The following AHI1 variants were observed in gnomAD, a reference collection of about 807,000 sequenced individuals.
AHI1 encodes the protein Abelson helper integration site 1.
Under a neutral mutation model 149.3 loss-of-function variants are expected in AHI1, and 123 were observed. The ratio of observed to expected loss-of-function variants is 0.82; its 90% confidence interval spans 0.71 to 0.96. The LOEUF (loss-of-function observed/expected upper bound fraction) is 0.96, where lower values mean the gene tolerates loss of function less well. Ranked by LOEUF, AHI1 falls within the 40% of genes least tolerant of loss-of-function variation. AHI1 has a pLI of 0.00. For synonymous variants in AHI1, 475 were observed against 459.8 expected (o/e 1.03, Z -0.42); for missense variants, 1,439 against 1,422.7 (o/e 1.01, Z -0.18).
At chr6:135,459,320 TAA>T (rs1448795762) in intron 8 of AHI1, among the ~76,000 whole-genome samples, 1 of 152,028 alleles carries the variant, frequency 6.6e-6, no homozygotes, top group Non-Finnish European at 1.5e-5. Flanking sequence ...TGTTAAATAA[TAA>T]AAACACACAA....
At chr6:135,308,299 G>T (rs1331233029) in intron 26 of AHI1, among the ~76,000 whole-genome samples, 1 of 152,054 alleles carries the variant, frequency 6.6e-6, no homozygotes, top group Non-Finnish European at 1.5e-5. Flanking sequence ...GCAGTAGCAC[G>T]ATCACTGTTC....
intron 24 of AHI1, among the ~76,000 whole-genome samples, chr6:135,328,152 G>C (rs1185355725): frequency 6.6e-6 from 1 of 152,216 alleles, no homozygotes; most frequent in African/African-American, 2.4e-5. Flanking sequence ...CTGTCTTCAA[G>C]TAGAGGGTAC....
At chr6:135,353,338 T>C (rs998886190) in intron 24 of AHI1, among the ~76,000 whole-genome samples, 1 of 152,108 alleles carries the variant, frequency 6.6e-6, no homozygotes, top group Non-Finnish European at 1.5e-5. Flanking sequence ...CAGGAAGAGA[T>C]TGGCCATGGG....
At position 135,431,208 on chromosome 6, in the gene AHI1, CTTA is replaced by C; in HGVS notation, c.2370_2372del (p.Asn790del). The stretch of plus-strand genomic sequence containing the variant: ...CAAAATATAAAATATGATTTTATAC[CTTA>C]TTTATAGTCCAGTGGTGCACTGAAT... On this transcript the variant is annotated inframe_deletion and splice_region_variant, in exon 17 of 29. Coordinates refer to ENST00000265602, the MANE Select transcript of AHI1 (RefSeq NM_001134831.2). The C allele has an allele frequency of 6.4e-7, 1 of 1,557,384 alleles. No homozygotes were observed. Among genetic ancestry groups the C allele is most frequent in the Non-Finnish European group, 8.8e-7 (1 of 1,142,566 alleles).
chr6:135,335,164 T>C (rs1789191951), intron 24 of AHI1, among the ~76,000 whole-genome samples: 1 of 152,228 alleles, frequency 6.6e-6, no homozygotes, highest in Non-Finnish European at 1.5e-5. Flanking sequence ...CTTATCTTGC[T>C]TAGTTTCCCA....
At chr6:135,361,073 A>G (rs570464361) in intron 23 of AHI1, among the ~76,000 whole-genome samples, 1 of 151,938 alleles carries the variant, frequency 6.6e-6, no homozygotes, top group South Asian at 2.1e-4. Flanking sequence ...TTACTCTTCC[A>G]TTTTATGTCC....
chr6:135,398,915 G>A (rs116112299), intron 22 of AHI1, among the ~76,000 whole-genome samples: 1,837 of 152,270 alleles, frequency 0.012, 30 homozygotes, highest in African/African-American at 0.04. Flanking sequence ...CAGGCCCAAC[G>A]ACTAATGCTT....
At chr6:135,467,944 A>C (rs907376324) in intron 5 of AHI1, among the ~76,000 whole-genome samples, 12 of 152,214 alleles carry the variant, frequency 7.9e-5, no homozygotes, top group African/African-American at 2.9e-4. Flanking sequence ...CTACAAGATG[A>C]ATCTAAAATC....
intron 23 of AHI1, among the ~76,000 whole-genome samples, chr6:135,377,337 A>G (rs1431158673): frequency 6.6e-6 from 1 of 152,340 alleles, no homozygotes; most frequent in African/African-American, 2.4e-5. Context: ...ATTATCTTAC[A>G]GTAGGCAAAC....
At chr6:135,415,930 C>T (rs559961197) in intron 20 of AHI1, among the ~76,000 whole-genome samples, 3 of 152,110 alleles carry the variant, frequency 2.0e-5, no homozygotes, top group East Asian at 1.9e-4. Flanking sequence ...TACAGTTTCA[C>T]TTATATACAA....
intron 23 of AHI1, among the ~76,000 whole-genome samples, chr6:135,383,447 G>C (rs1288849191): frequency 8.2e-6 from 1 of 122,142 alleles, no homozygotes. Flanking sequence ...GTGTGGCCCA[G>C]GTTGGTCATG....
intron 23 of AHI1, among the ~76,000 whole-genome samples, chr6:135,375,236 G>A (rs1775733997): frequency 6.6e-6 from 1 of 151,204 alleles, no homozygotes; most frequent in African/African-American, 2.4e-5. Flanking sequence ...TTTTTTTCCA[G>A]CACTAGACAA....
chr6:135,420,440 G>A (rs1407227320), intron 20 of AHI1, among the ~76,000 whole-genome samples: 1 of 152,090 alleles, frequency 6.6e-6, no homozygotes, highest in Non-Finnish European at 1.5e-5. Context: ...TTAGAAAGCT[G>A]CTTCATCTCC....
intron 5 of AHI1, among the ~76,000 whole-genome samples, chr6:135,468,322 C>G (rs1359968116): frequency 2.0e-5 from 3 of 151,806 alleles, no homozygotes; most frequent in East Asian, 3.9e-4. Context: ...AGAAAATACA[C>G]ACACACAAAA....
In AHI1 at chr6:135,466,252, G is replaced by T. The variant is rs1420063740; in HGVS notation, c.311C>A (p.Thr104Lys). ...ATTAGGATTTTCAGTTGCTAACTGT[G>T]TGTTCCTCAATTTGTTTTTAGTGAC... ...TRVTKNKLRNTQLATENPNGD... is the reference protein window; with the variant it reads ...TRVTKNKLRNKQLATENPNGD... Residue 104 changes from threonine (T) to lysine (K), a missense_variant, in exon 7 of 29, where the codon ACA becomes AAA. Transcript: ENST00000265602. The T allele has an allele frequency of 1.2e-6, 2 of 1,613,896 alleles. No individual in the cohort carries two copies. Among genetic ancestry groups the T allele is most frequent in the South Asian group, 2.2e-5 (2 of 91,078 alleles).
At chr6:135,381,902 A>G (rs143875818) in intron 23 of AHI1, among the ~76,000 whole-genome samples, 174 of 152,352 alleles carry the variant, frequency 1.1e-3, no homozygotes, top group Admixed American at 3.0e-3. Context: ...ACAATGCTTG[A>G]TGAAATGCTT....
At chr6:135,463,343 TATTATC>T (rs1562233330) in intron 7 of AHI1, 37 bp from the exon 8 acceptor site, 1 of 1,463,866 alleles carries the variant, frequency 6.8e-7, no homozygotes, top group East Asian at 2.3e-5. Flanking sequence ...ATTACAGATA[TATTATC>T]ATTATAATTA....
chr6:135,342,897 C>G (rs1790586836), intron 24 of AHI1, among the ~76,000 whole-genome samples: 1 of 151,266 alleles, frequency 6.6e-6, no homozygotes, highest in Admixed American at 6.6e-5. Flanking sequence ...CAGGGACATT[C>G]ATACCACTTC....
intron 24 of AHI1, among the ~76,000 whole-genome samples, chr6:135,352,556 A>G (rs1792287530): frequency 6.6e-6 from 1 of 151,900 alleles, no homozygotes; most frequent in Admixed American, 6.6e-5. Flanking sequence ...CCATATTCCT[A>G]TATTTGGGCA....
Sources: allele counts gnomAD v4.1 joint callset (sites outside exome capture counted in the v4.1 genomes callset), GRCh38; gene constraint gnomAD v4.1.1; transcripts MANE v1.5; gene names NCBI Gene and HGNC (gene_info 2026-07-23, HGNC 2026-07-21).